The following ELK3 variants were observed in gnomAD, a reference collection of about 807,000 sequenced individuals.
The protein encoded by ELK3 is ETS domain-containing protein Elk-3.
Under a neutral mutation model 28.9 loss-of-function variants are expected in ELK3, and 10 were observed. The ratio of observed to expected loss-of-function variants is 0.35; its 90% CI spans 0.21 to 0.59. ELK3 has a LOEUF of 0.59. ELK3 is among the 20% of genes least tolerant of loss of function. The pLI, the probability that ELK3 is intolerant of heterozygous loss-of-function variation, is 0.82. For missense variants in ELK3, 463 were observed against 517.3 expected (o/e 0.90, Z 1.02); for synonymous variants, 272 against 243.5 (o/e 1.12, Z -1.09).
intron 1 of ELK3, among the ~76,000 whole-genome samples, chr12:96,212,378 G>A (rs2137006312): frequency 6.6e-6 from 1 of 152,328 alleles, no homozygotes; most frequent in Non-Finnish European, 1.5e-5. Flanking sequence ...TAAAGAAAAA[G>A]CATTGTCAGC....
chr12:96,215,268 T>A (rs962604703), intron 1 of ELK3, among the ~76,000 whole-genome samples: 1 of 152,006 alleles, frequency 6.6e-6, no homozygotes, highest in East Asian at 1.9e-4. Context: ...GAAGAACAAA[T>A]AAGTGGGCAT....
chr12:96,210,597 A>ACACACACACCCCCCCCC (rs1416746905), intron 1 of ELK3, among the ~76,000 whole-genome samples: 1 of 148,956 alleles, frequency 6.7e-6, no homozygotes, highest in Non-Finnish European at 1.5e-5. Context: ...ACACACACAC[A>ACACACACACCCCCCCCC]CCCCGAGTGG....
At chr12:96,249,974 G>C (rs1951891287) in intron 3 of ELK3, among the ~76,000 whole-genome samples, 1 of 152,194 alleles carries the variant, frequency 6.6e-6, no homozygotes, top group South Asian at 2.1e-4. Flanking sequence ...CAGCCAAGCT[G>C]TGAGGGTGGG....
rs975929306 is a variant in ELK3, at chr12:96,267,745, T to G, written c.*565T>G. 1.3e-5 allele frequency: 2 copies of G among 152,692 alleles called. No individual in the cohort carries two copies. The highest frequency in any genetic ancestry group is 4.8e-5 in the African/African-American group (2 of 41,466). The allele number at this position is 152,692 out of a possible 1,614,324, so 9.5% of individuals were successfully genotyped here. On this transcript the variant is annotated 3_prime_UTR_variant, in exon 5 of 5. Coordinates refer to ENST00000228741, the MANE Select transcript of ELK3 (RefSeq NM_005230.4). Reference sequence around the variant, plus strand: ...TACTTTCAATTGTATAAGAATTGCCTTAGAACCTCTTTTGAACTGAAATTC... The same window carrying G: ...TACTTTCAATTGTATAAGAATTGCCGTAGAACCTCTTTTGAACTGAAATTC...
chr12:96,261,247 T>C (rs1951990481), intron 4 of ELK3, among the ~76,000 whole-genome samples: 1 of 152,132 alleles, frequency 6.6e-6, no homozygotes, highest in South Asian at 2.1e-4. Context: ...TAGGGTAGGG[T>C]GTCATGAAGT....
intron 1 of ELK3, among the ~76,000 whole-genome samples, chr12:96,214,729 A>G (rs1036544169): frequency 7.2e-5 from 11 of 152,180 alleles, no homozygotes; most frequent in Non-Finnish European, 1.2e-4. Context: ...CAGAACTTGT[A>G]TAAGTTTTTT....
intron 4 of ELK3, among the ~76,000 whole-genome samples, chr12:96,266,273 G>A (rs1177290444): frequency 6.6e-6 from 1 of 152,138 alleles, no homozygotes; most frequent in Admixed American, 6.5e-5. Context: ...TAACTTTCCT[G>A]GACTAAATAG....
chr12:96,266,725 A>C (rs1952034298), intron 4 of ELK3, among the ~76,000 whole-genome samples: 1 of 152,178 alleles, frequency 6.6e-6, no homozygotes, highest in African/African-American at 2.4e-5. Flanking sequence ...TTTAATATTT[A>C]ATATTAAACA....
chr12:96,233,550 C>G (rs1173956333), intron 2 of ELK3, among the ~76,000 whole-genome samples: 3 of 152,322 alleles, frequency 2.0e-5, no homozygotes, highest in African/African-American at 7.2e-5. Context: ...AACGCATCAC[C>G]TTCTTAACTT....
At chr12:96,206,752 G>C (rs1468723171) in intron 1 of ELK3, among the ~76,000 whole-genome samples, 3 of 152,230 alleles carry the variant, frequency 2.0e-5, no homozygotes, top group Non-Finnish European at 2.9e-5. Flanking sequence ...GTGGATGGCA[G>C]ATGCCCATGT....
intron 1 of ELK3, among the ~76,000 whole-genome samples, chr12:96,199,878 TATTCTA>T (rs1233445101): frequency 6.6e-6 from 1 of 152,186 alleles, no homozygotes; most frequent in Non-Finnish European, 1.5e-5. Flanking sequence ...TATATTAGTG[TATTCTA>T]ATTTGAATTA....
At chr12:96,228,370 A>G (rs1469648645) in intron 2 of ELK3, among the ~76,000 whole-genome samples, 4 of 132,722 alleles carry the variant, frequency 3.0e-5, no homozygotes, top group Non-Finnish European at 6.2e-5. Context: ...GTGAGCCGAG[A>G]TTGCGCCACT....
At chr12:96,255,450 CTGGGT>C in intron 3 of ELK3, 1 of 152,722 alleles carries the variant, frequency 6.5e-6, no homozygotes, top group Non-Finnish European at 1.5e-5. Context: ...ATGGGCTGGG[CTGGGT>C]GGTCAGGGAA....
chr12:96,266,791 AAT>A (rs112067575), intron 4 of ELK3, among the ~76,000 whole-genome samples: 1 of 152,220 alleles, frequency 6.6e-6, no homozygotes. Flanking sequence ...ACTTTTAAAA[AAT>A]AGTGTTAGAA....
chr12:96,215,306 C>G (rs1214950567), intron 1 of ELK3, among the ~76,000 whole-genome samples: 1 of 152,160 alleles, frequency 6.6e-6, no homozygotes, highest in Non-Finnish European at 1.5e-5. Flanking sequence ...GAGGCAAAAA[C>G]CTCATACTTT....
At chr12:96,215,566 C>T (rs17736737) in intron 1 of ELK3, among the ~76,000 whole-genome samples, 43,152 of 150,594 alleles carry the variant, frequency 0.29, 7,400 homozygotes, top group South Asian at 0.45. Context: ...GAGGCTCCGT[C>T]GGATTAAAGA....
At chr12:96,196,323 A>G (rs1951467170) in intron 1 of ELK3, among the ~76,000 whole-genome samples, 1 of 151,278 alleles carries the variant, frequency 6.6e-6, no homozygotes, top group Non-Finnish European at 1.5e-5. Flanking sequence ...TCAGATTTGC[A>G]GGTTTTTCTT....
chr12:96,263,576 A>G (rs1952008806), intron 4 of ELK3, among the ~76,000 whole-genome samples: 1 of 152,240 alleles, frequency 6.6e-6, no homozygotes, highest in Non-Finnish European at 1.5e-5. Context: ...GACTGTAGGG[A>G]CAGAGAATAT....
intron 2 of ELK3, among the ~76,000 whole-genome samples, chr12:96,241,434 G>T (rs371226527): frequency 3.3e-5 from 5 of 151,400 alleles, no homozygotes; most frequent in Admixed American, 1.3e-4. Flanking sequence ...GTTTGTGTGT[G>T]TGTGTGTGTG....
Sources: allele counts gnomAD v4.1 joint callset (sites outside exome capture counted in the v4.1 genomes callset), GRCh38; gene constraint gnomAD v4.1.1; transcripts MANE v1.5; gene names NCBI Gene and HGNC (gene_info 2026-07-23, HGNC 2026-07-21).